The following DOCK4 variants were observed in gnomAD, a reference collection of about 807,000 sequenced individuals.
DOCK4 encodes dedicator of cytokinesis protein 4.
In DOCK4, 97 loss-of-function variants were observed where a neutral mutation model predicts 268.1. The ratio of observed to expected loss-of-function variants is 0.36; its 90% CI spans 0.31 to 0.43. The LOEUF is 0.43. DOCK4 is among the 20% of genes least tolerant of loss of function. DOCK4 has a pLI of 1.00. For synonymous variants in DOCK4, 954 were observed against 887.2 expected (o/e 1.08, Z -1.34); for missense variants, 2,145 against 2,455.7 (o/e 0.87, Z 2.67).
At chr7:112,126,174 AT>A (rs1319184385) in intron 1 of DOCK4, among the ~76,000 whole-genome samples, 2 of 152,204 alleles carry the variant, frequency 1.3e-5, no homozygotes, top group Non-Finnish European at 2.9e-5. Context: ...AATATTAGCT[AT>A]TTCTAATCAA....
intron 39 of DOCK4, among the ~76,000 whole-genome samples, chr7:111,760,736 TTTTGTGTGTGTGTGTGTG>T (rs1170419991): frequency 6.5e-5 from 8 of 123,090 alleles, no homozygotes; most frequent in African/African-American, 2.3e-4. Context: ...GTTGTCTGCT[TTTTGTGTGTGTGTGTGTG>T]TGTGTGTGTG....
chr7:111,767,034 G>A lies in DOCK4; in HGVS notation c.3913C>T (p.Arg1305Trp), dbSNP rs373495697. Residue 1305 changes from arginine (R) to tryptophan (W), a missense_variant and splice_region_variant, in exon 38 of 53, where the codon CGG (arginine) becomes TGG (tryptophan). Physicochemically the swap from Arg to Trp is moderately radical, Grantham distance 101 (BLOSUM62 -3). Around this residue, in one of 2 missense-constraint regions of DOCK4, gnomAD observed 1,598 missense variants for 1,986.7 expected, o/e 0.80. Transcript: ENST00000428084. Reference sequence around the variant, plus strand: ...CAGGATGCATCCAGGCACCTTACCCGCATCTTGCTCAGGTTTCTGTAGTCA... The same window carrying A: ...CAGGATGCATCCAGGCACCTTACCCACATCTTGCTCAGGTTTCTGTAGTCA... ...YYDYRNLSKMRMMEASLYDKI... is the reference protein window; with the variant it reads ...YYDYRNLSKMWMMEASLYDKI... The A allele has an allele frequency of 1.9e-5, 30 of 1,612,464 alleles. No homozygotes were observed. In the Admixed American group the frequency reaches 3.8e-4, roughly 21 times the overall value.
chr7:111,961,792 G>A (rs184063107), intron 8 of DOCK4, among the ~76,000 whole-genome samples: 215 of 152,268 alleles, frequency 1.4e-3, no homozygotes, highest in Non-Finnish European at 2.7e-3. Flanking sequence ...TTCATGTAAC[G>A]AGTATTTTTA....
intron 1 of DOCK4, among the ~76,000 whole-genome samples, chr7:112,024,798 G>A (rs969132284): frequency 3.9e-5 from 6 of 152,098 alleles, no homozygotes; most frequent in Admixed American, 1.3e-4. Flanking sequence ...ACAGACATTC[G>A]TTATTTTTAA....
chr7:111,776,065 TCA>T (rs1298291369), intron 36 of DOCK4, among the ~76,000 whole-genome samples: 2 of 152,140 alleles, frequency 1.3e-5, no homozygotes, highest in Non-Finnish European at 2.9e-5. Context: ...CTGTTAAAAT[TCA>T]AAAAATTAAT....
intron 38 of DOCK4, among the ~76,000 whole-genome samples, chr7:111,765,478 G>A (rs1344756165): frequency 1.3e-5 from 2 of 152,194 alleles, no homozygotes; most frequent in African/African-American, 4.8e-5. Context: ...CCCACAGGCT[G>A]TAGTTTGCTG....
chr7:111,835,910 C>G (rs952583612), intron 25 of DOCK4, among the ~76,000 whole-genome samples: 1 of 152,094 alleles, frequency 6.6e-6, no homozygotes, highest in South Asian at 2.1e-4. Flanking sequence ...TAATCATTTG[C>G]AACACACAGG....
chr7:112,162,076 A>C (rs1417389442), intron 1 of DOCK4, among the ~76,000 whole-genome samples: 1 of 152,200 alleles, frequency 6.6e-6, no homozygotes, highest in African/African-American at 2.4e-5. Context: ...AAAAAATGAT[A>C]ATGTAAATTT....
chr7:112,035,368 G>A (rs1803661173), intron 1 of DOCK4, among the ~76,000 whole-genome samples: 1 of 151,566 alleles, frequency 6.6e-6, no homozygotes, highest in Admixed American at 6.6e-5. Flanking sequence ...AAGACTGTAA[G>A]AAATATAACC....
chr7:112,030,091 C>T (rs1233409755), intron 1 of DOCK4, among the ~76,000 whole-genome samples: 1 of 152,204 alleles, frequency 6.6e-6, no homozygotes, highest in Non-Finnish European at 1.5e-5. Flanking sequence ...AATTCAAATG[C>T]TGGCTTCAGA....
chr7:112,179,640 T>C (rs550822270), intron 1 of DOCK4, among the ~76,000 whole-genome samples: 4 of 152,064 alleles, frequency 2.6e-5, no homozygotes, highest in African/African-American at 4.8e-5. Flanking sequence ...AGGAAGTTTT[T>C]CTAGAATCAC....
chr7:111,732,414 G>A lies in DOCK4; in HGVS notation c.5420-127C>T, dbSNP rs574941575. On this transcript the variant is annotated intron_variant, in intron 51 of 52. Transcript: ENST00000428084. ...CATAAGGACCTTCTAAGCAAAGGGGGTGGTGAGGATGGGGGAGAAGCTAAA... is the reference window on the plus strand; with the variant it reads ...CATAAGGACCTTCTAAGCAAAGGGGATGGTGAGGATGGGGGAGAAGCTAAA... 2.8e-4 allele frequency: 253 copies of A among 917,628 alleles called. No individual in the cohort carries two copies. In the African/African-American group the frequency reaches 3.8e-3, roughly 14 times the overall value. 56.8% of individuals were successfully genotyped at this position (917,628 alleles called of 1,614,324 possible).
chr7:112,012,282 C>T (rs954928076), intron 1 of DOCK4, among the ~76,000 whole-genome samples: 11 of 151,492 alleles, frequency 7.3e-5, no homozygotes, highest in East Asian at 1.9e-4. Context: ...CTTAGACAGA[C>T]GCAGGCTTAA....
At chr7:111,940,070 C>T in intron 11 of DOCK4, 40 bp downstream of exon 11, 1 of 1,610,464 alleles carries the variant, frequency 6.2e-7, no homozygotes, top group Middle Eastern at 1.7e-4. Flanking sequence ...ACATGTACCC[C>T]TGTGCCTACC....
chr7:111,965,002 T>C (rs1797269711), intron 8 of DOCK4, among the ~76,000 whole-genome samples: 1 of 51,434 alleles, frequency 1.9e-5, no homozygotes, highest in Admixed American at 2.2e-4. Context: ...GACAAGCAAA[T>C]GCTGAGAGAT....
At position 112,079,562 on chromosome 7, in the gene DOCK4, T is replaced by TTA. The variant is rs146886064; in HGVS notation, c.38-75432_38-75431insTA. Among the ~76,000 whole-genome samples the TTA allele has an allele frequency of 7.4e-4, 112 of 152,092 alleles. No homozygotes were observed. In the East Asian group the frequency reaches 0.017, roughly 23 times the overall value. On this transcript the variant is annotated intron_variant, in intron 1 of 52. Transcript: ENST00000428084. ...CTGACAAGCCACAACAAGCTGAGAG[T>TTA]TGAATGAGGACAGGAAAGGGTCTAG...
intron 1 of DOCK4, among the ~76,000 whole-genome samples, chr7:112,108,233 T>C (rs946544858): frequency 3.3e-5 from 5 of 152,162 alleles, no homozygotes; most frequent in Non-Finnish European, 5.9e-5. Flanking sequence ...CAAAAATAAA[T>C]ACCACTCTCT....
At chr7:111,970,251 T>C (rs1797599553) in intron 8 of DOCK4, among the ~76,000 whole-genome samples, 1 of 151,876 alleles carries the variant, frequency 6.6e-6, no homozygotes, top group Non-Finnish European at 1.5e-5. Context: ...TACAGATTCC[T>C]ACATAAACTG....
chr7:111,727,069 A>G lies in DOCK4; in HGVS notation c.*1205T>C, dbSNP rs1359067360. ...GTGTTATAAACAGTCAGTAAAAGAA[A>G]AAACAAAGATATAAAATACATTACT... On this transcript the variant is annotated 3_prime_UTR_variant, in exon 53 of 53. Transcript: ENST00000428084. The G allele has an allele frequency of 2.0e-5, 3 of 152,668 alleles. No individual in the cohort carries two copies. Among genetic ancestry groups the G allele is most frequent in the Non-Finnish European group, 4.4e-5 (3 of 68,030 alleles). The allele number at this position is 152,668 out of a possible 1,614,324, so 9.5% of individuals were successfully genotyped here.
Sources: allele counts gnomAD v4.1 joint callset (sites outside exome capture counted in the v4.1 genomes callset), GRCh38; gene constraint gnomAD v4.1.1; regional missense constraint gnomAD v4.1.1; transcripts MANE v1.5; gene names NCBI Gene and HGNC (gene_info 2026-07-23, HGNC 2026-07-21).